The following FGD4 variants were observed in gnomAD, a reference collection of about 807,000 sequenced individuals.
FGD4 encodes the protein FYVE, RhoGEF and PH domain-containing protein 4.
Under a neutral mutation model 102.0 loss-of-function variants are expected in FGD4, and 42 were observed. That is an observed-to-expected ratio of 0.41 (90% CI 0.32 to 0.53). FGD4 has a LOEUF of 0.53. Ranked by LOEUF, FGD4 falls within the 20% of genes least tolerant of loss-of-function variation. The probability of loss-of-function intolerance (pLI) is 0.21; values close to 1 mark genes in which losing one functional copy is unlikely to be tolerated. For missense variants in FGD4, 902 were observed against 1,078.2 expected (o/e 0.84, Z 2.29); for synonymous variants, 380 against 375.7 (o/e 1.01, Z -0.13).
intron 1 of FGD4, among the ~76,000 whole-genome samples, chr12:32,509,522 A>G (rs551485829): frequency 4.5e-4 from 68 of 152,342 alleles, no homozygotes; most frequent in African/African-American, 1.6e-3. Flanking sequence ...TGCTTATATC[A>G]GCAGAAATTT....
intron 10 of FGD4, among the ~76,000 whole-genome samples, chr12:32,617,631 A>G (rs554290549): frequency 6.6e-6 from 1 of 152,354 alleles, no homozygotes; most frequent in East Asian, 1.9e-4. Flanking sequence ...CTTCTAAGCT[A>G]TGGGCATGAA....
In FGD4 at chr12:32,642,907, G is replaced by A. The variant is rs753715337; in HGVS notation, c.*2374G>A. On this transcript the variant is annotated 3_prime_UTR_variant, in exon 17 of 17. Transcript: ENST00000534526. ...CAAGAGACCTCAAAGTGTGATTGAT[G>A]ATAAGAATAATCAATGCCTTTTCCC... The A allele has an allele frequency of 6.6e-6, 1 of 152,486 alleles. No homozygotes were observed. Among genetic ancestry groups the A allele is most frequent in the African/African-American group, 2.4e-5 (1 of 41,446 alleles). The allele number at this position is 152,486 out of a possible 1,614,324, so 9.4% of individuals were successfully genotyped here.
chr12:32,536,083 G>GTTTTT (rs577504306), intron 1 of FGD4, among the ~76,000 whole-genome samples: 7 of 145,666 alleles, frequency 4.8e-5, no homozygotes, highest in African/African-American at 1.7e-4. Flanking sequence ...TTTTATAACA[G>GTTTTT]TTTTTTTTTT....
intron 1 of FGD4, among the ~76,000 whole-genome samples, chr12:32,427,067 A>T (rs1941863812): frequency 2.0e-5 from 3 of 147,238 alleles, no homozygotes; most frequent in African/African-American, 2.5e-5. Context: ...TGTCTCCTTC[A>T]GTTCTGCTCT....
intron 11 of FGD4, 34 bp from the exon 12 acceptor site, chr12:32,624,388 T>G (rs890429003): frequency 1.6e-5 from 24 of 1,496,308 alleles, no homozygotes; most frequent in Non-Finnish European, 1.9e-5. Context: ...TCATTAATAT[T>G]ATTTACATTC....
At chr12:32,405,342 C>T (rs1192112954) in intron 1 of FGD4, among the ~76,000 whole-genome samples, 2 of 148,234 alleles carry the variant, frequency 1.3e-5, no homozygotes, top group Admixed American at 1.4e-4. Context: ...TCACCACAAC[C>T]TCCGCCTCCC....
At chr12:32,417,981 G>A (rs372326180) in intron 1 of FGD4, among the ~76,000 whole-genome samples, 1 of 133,530 alleles carries the variant, frequency 7.5e-6, no homozygotes, top group African/African-American at 2.9e-5. Flanking sequence ...TTTTGAGACA[G>A]AGTCTCGCTC....
intron 1 of FGD4, among the ~76,000 whole-genome samples, chr12:32,484,692 T>C (rs1379722304): frequency 6.6e-6 from 1 of 151,996 alleles, no homozygotes; most frequent in South Asian, 2.1e-4. Flanking sequence ...GCCAACATGG[T>C]GAAACCCCAC....
chr12:32,537,159 C>T (rs186955529), intron 1 of FGD4, among the ~76,000 whole-genome samples: 43 of 152,280 alleles, frequency 2.8e-4, no homozygotes, highest in East Asian at 1.2e-3. Context: ...CCGCCCACCT[C>T]GGCCTCCCAA....
At chr12:32,624,278 G>A (rs1950017345) in intron 11 of FGD4, 144 bp from the exon 12 acceptor site, 1 of 668,256 alleles carries the variant, frequency 1.5e-6, no homozygotes, top group South Asian at 1.9e-5. Flanking sequence ...TTGTTTAATT[G>A]CCAGAGATTA....
chr12:32,491,509 C>T lies in FGD4; in HGVS notation c.167-72628C>T, dbSNP rs141450669. Among the ~76,000 whole-genome samples the T allele has an allele frequency of 1.5e-3, 235 of 152,268 alleles. 1 individual carries two copies. The highest frequency in any genetic ancestry group is 5.3e-3 in the African/African-American group (222 of 41,546). On this transcript the variant is annotated intron_variant, in intron 1 of 16. Coordinates refer to ENST00000534526, the MANE Select transcript of FGD4 (RefSeq NM_001370298.3). ...CAGAAAGTCCCTTCCCTTGAAACAC[C>T]TAATACTTGTTTTTAACCTTTTTTC...
intron 1 of FGD4, among the ~76,000 whole-genome samples, chr12:32,402,214 G>A (rs1940703419): frequency 6.6e-6 from 1 of 151,108 alleles, no homozygotes; most frequent in South Asian, 2.1e-4. Context: ...GACCGAGGGG[G>A]AGGATCGCTT....
At chr12:32,629,876 A>G (rs1950397426) in intron 14 of FGD4, among the ~76,000 whole-genome samples, 1 of 152,266 alleles carries the variant, frequency 6.6e-6, no homozygotes, top group Non-Finnish European at 1.5e-5. Context: ...GACATTTCAA[A>G]GATTCCAAAT....
chr12:32,574,329 GTGT>G (rs1202292046), intron 2 of FGD4, among the ~76,000 whole-genome samples: 82 of 131,658 alleles, frequency 6.2e-4, no homozygotes, highest in African/African-American at 2.3e-3. Context: ...ATAACCTTAA[GTGT>G]TTTTTTTTTT....
At chr12:32,416,849 T>C (rs1326402329) in intron 1 of FGD4, among the ~76,000 whole-genome samples, 2 of 152,146 alleles carry the variant, frequency 1.3e-5, no homozygotes, top group Non-Finnish European at 2.9e-5. Context: ...GTGAGTTTTG[T>C]ACCTTCAGAT....
At chr12:32,503,292 A>C (rs1423712858) in intron 1 of FGD4, among the ~76,000 whole-genome samples, 1 of 152,154 alleles carries the variant, frequency 6.6e-6, no homozygotes, top group Non-Finnish European at 1.5e-5. Flanking sequence ...TGATAGAGGA[A>C]AGGTTGCAAG....
intron 1 of FGD4, among the ~76,000 whole-genome samples, chr12:32,426,698 C>CTT (rs1565733548): frequency 6.6e-6 from 1 of 152,092 alleles, no homozygotes; most frequent in Admixed American, 6.6e-5. Flanking sequence ...TGGTCCTGGG[C>CTT]TTTTTTTGGT....
At chr12:32,503,281 T>G (rs891565877) in intron 1 of FGD4, among the ~76,000 whole-genome samples, 2 of 152,218 alleles carry the variant, frequency 1.3e-5, no homozygotes, top group African/African-American at 4.8e-5. Context: ...CCATTTTTAC[T>G]TGATAGAGGA....
chr12:32,593,442 T>C (rs1238941577), intron 4 of FGD4, among the ~76,000 whole-genome samples: 3 of 152,218 alleles, frequency 2.0e-5, no homozygotes, highest in African/African-American at 7.2e-5. Flanking sequence ...TGTGTTGGCT[T>C]TGTCAGGGTT....
Sources: allele counts gnomAD v4.1 joint callset (sites outside exome capture counted in the v4.1 genomes callset), GRCh38; gene constraint gnomAD v4.1.1; transcripts MANE v1.5; gene names NCBI Gene and HGNC (gene_info 2026-07-23, HGNC 2026-07-21).